The following IGSF6 variants were observed in gnomAD, a reference collection of about 807,000 sequenced individuals.
IGSF6 encodes the protein immunoglobulin superfamily member 6.
Under a neutral mutation model 24.7 loss-of-function variants are expected in IGSF6, and 23 were observed. The ratio of observed to expected loss-of-function variants is 0.93; its 90% CI spans 0.67 to 1.32. The LOEUF (loss-of-function observed/expected upper bound fraction) is 1.32, where lower values mean the gene tolerates loss of function less well. Among genes scored for constraint, IGSF6 ranks in the 40% most tolerant of loss-of-function variants. IGSF6 has a pLI of 0.00. For synonymous variants in IGSF6, 110 were observed against 113.7 expected, an observed-to-expected ratio of 0.97 and a Z score of 0.21; for missense variants, 295 against 293.6, an observed-to-expected ratio of 1.00 and a Z score of -0.04.
At position 21,644,340 on chromosome 16, in the gene IGSF6, G is replaced by A. The variant is rs774443519; in HGVS notation, c.484C>T (p.Leu162Phe). 1.9e-6 allele frequency: 3 copies of A among 1,614,020 alleles called. No individual in the cohort carries two copies. The highest frequency in any genetic ancestry group is 2.5e-6 in the Non-Finnish European group (3 of 1,179,900). Residue 162 changes from leucine (L) to phenylalanine (F), a missense_variant, in exon 3 of 6, where the codon CTC (leucine) becomes TTC (phenylalanine). By Grantham distance (22) the Leu-to-Phe change is conservative (BLOSUM62 0). Coordinates refer to ENST00000268389, the MANE Select transcript of IGSF6 (RefSeq NM_005849.4). ...CACACACCGGTCACATAGACAGAGAGCAGTGATACAAGAGCTGTCAGGAAG... is the reference window on the plus strand; with the variant it reads ...CACACACCGGTCACATAGACAGAGAACAGTGATACAAGAGCTGTCAGGAAG... The part of the protein sequence containing the change: ...RSFLTALVSL[L>F]SVYVTGVCVA...
rs763636136 is a variant in IGSF6 at position 21,647,463 on chromosome 16, T to C, written c.97A>G (p.Thr33Ala). 1.2e-6 allele frequency: 2 copies of C among 1,613,778 alleles called. No individual in the cohort carries two copies. Among genetic ancestry groups the C allele is most frequent in the Admixed American group, 3.3e-5 (2 of 60,006 alleles). The change falls in exon 2 of 6, where the codon ACA (threonine) becomes GCA (alanine). Residue 33 changes from threonine (T) to alanine (A), a missense_variant. Thr to Ala is a moderately conservative substitution (Grantham distance 58). Transcript: ENST00000268389. The stretch of plus-strand genomic sequence containing the variant: ...TCCACTTCTAGGTACCACGGTTGTG[T>C]GACAGAGAGAGTACAGGCGCCCACA... ...GAVGACTLSVTQPWYLEVDYT... is the reference protein window; with the variant it reads ...GAVGACTLSVAQPWYLEVDYT...
chr16:21,652,414 T>G (rs1034996816), intron 1 of IGSF6, 118 bp downstream of exon 1: 13 of 705,094 alleles, frequency 1.8e-5, no homozygotes, highest in Admixed American at 1.0e-4. Flanking sequence ...TCTTAGGCAG[T>G]TTTCATAATG....
At chr16:21,649,230 C>T (rs146032792) in intron 1 of IGSF6, among the ~76,000 whole-genome samples, 5 of 152,216 alleles carry the variant, frequency 3.3e-5, no homozygotes, top group African/African-American at 1.2e-4. Flanking sequence ...TAAACTCAAG[C>T]GACCCGCTTG....
At chr16:21,644,457 G>T in intron 2 of IGSF6, 61 bp from the exon 3 acceptor site, 1 of 1,185,664 alleles carries the variant, frequency 8.4e-7, no homozygotes, top group Non-Finnish European at 1.2e-6. Context: ...TCAAATACAT[G>T]TGTAAAGTAT....
intron 4 of IGSF6, 128 bp from the exon 5 acceptor site, chr16:21,643,282 G>C: frequency 2.9e-6 from 2 of 692,768 alleles, no homozygotes; most frequent in Non-Finnish European, 2.5e-6. Flanking sequence ...CAACACATAT[G>C]TGCCTACAGT....
At chr16:21,650,998 C>G (rs986014947) in intron 1 of IGSF6, among the ~76,000 whole-genome samples, 1 of 152,100 alleles carries the variant, frequency 6.6e-6, no homozygotes, top group African/African-American at 2.4e-5. Flanking sequence ...CCGAGGCGGG[C>G]GGATCACGAG....
At chr16:21,651,537 A>C (rs1325943865) in intron 1 of IGSF6, among the ~76,000 whole-genome samples, 1 of 151,966 alleles carries the variant, frequency 6.6e-6, no homozygotes, top group Non-Finnish European at 1.5e-5. Context: ...CCTGAGCTCA[A>C]GTGATCCTCT....
chr16:21,642,462 CTCA>C (rs1035474935), intron 5 of IGSF6: 1 of 152,142 alleles, frequency 6.6e-6, no homozygotes, highest in African/African-American at 2.4e-5. Flanking sequence ...TTTGAGCTAT[CTCA>C]TCATGCATCA....
rs1966245404 is a variant in IGSF6 at position 21,640,878 on chromosome 16, T to C, written c.*656A>G. 6.6e-6 allele frequency: 1 copy of C among 152,120 alleles called. No individual in the cohort carries two copies. Among genetic ancestry groups the C allele is most frequent in the South Asian group, 2.1e-4 (1 of 4,828 alleles). 9.4% of individuals were successfully genotyped at this position (152,120 alleles called of 1,614,324 possible). A position where few individuals can be genotyped will look rare whatever the true frequency, so the allele number is the denominator to read the frequency against. On this transcript the variant is annotated 3_prime_UTR_variant, in exon 6 of 6. Transcript: ENST00000268389. ...TGTTATTTGGCACAACACTGACATC[T>C]AGAGTCCGTTGTGGCTTATTTGTTC...
chr16:21,646,955 G>T (rs1966444123), intron 2 of IGSF6, 178 bp downstream of exon 2: 3 of 786,892 alleles, frequency 3.8e-6, no homozygotes, highest in South Asian at 1.5e-5. Flanking sequence ...CGCCCAGCCA[G>T]TTGGAGTAGT....
At chr16:21,652,268 TAAG>T (rs1372472113) in intron 1 of IGSF6, 1 of 325,436 alleles carries the variant, frequency 3.1e-6, no homozygotes, top group African/African-American at 2.1e-5. Flanking sequence ...CCTACGATTT[TAAG>T]AATATTTTCA....
chr16:21,651,557 C>A (rs1018756722), intron 1 of IGSF6, among the ~76,000 whole-genome samples: 1 of 151,880 alleles, frequency 6.6e-6, no homozygotes, highest in African/African-American at 2.4e-5. Context: ...TCACCTTGGC[C>A]CCCAAAGTGC....
chr16:21,641,363 G>T lies in IGSF6; in HGVS notation c.*171C>A. 4 of 416,964 alleles carry T rather than the reference G, an allele frequency of 9.6e-6. No individual in the cohort carries two copies. The highest frequency in any genetic ancestry group is 1.3e-5 in the Non-Finnish European group (3 of 231,686). 25.8% of individuals were successfully genotyped at this position (416,964 alleles called of 1,614,324 possible). A position where few individuals can be genotyped will look rare whatever the true frequency, so the allele number is the denominator to read the frequency against. Reference sequence around the variant, plus strand: ...GCATTTTGTTGGGTTTTAGTATTTTGGTAATGACTATTAGTTATAGTTTCC... The same window carrying T: ...GCATTTTGTTGGGTTTTAGTATTTTTGTAATGACTATTAGTTATAGTTTCC... On this transcript the variant is annotated 3_prime_UTR_variant, in exon 6 of 6. Coordinates refer to ENST00000268389, the MANE Select transcript of IGSF6 (RefSeq NM_005849.4).
At chr16:21,644,235 C>T in intron 3 of IGSF6, 55 bp downstream of exon 3, 1 of 1,231,258 alleles carries the variant, frequency 8.1e-7, no homozygotes, top group Non-Finnish European at 1.2e-6. Flanking sequence ...AATTATTTTT[C>T]TTTTGATAAT....
intron 3 of IGSF6, among the ~76,000 whole-genome samples, chr16:21,643,876 C>G (rs1966345186): frequency 6.6e-6 from 1 of 152,058 alleles, no homozygotes; most frequent in African/African-American, 2.4e-5. Context: ...AACTTTAGCC[C>G]TTTTTGAAGA....
In IGSF6 at chr16:21,647,280, C is replaced by G. The variant is rs1250550538; in HGVS notation, c.280G>C (p.Glu94Gln). 2 of 1,614,194 alleles carry G rather than the reference C, an allele frequency of 1.2e-6. No homozygotes were observed. The highest frequency in any genetic ancestry group is 4.5e-5 in the East Asian group (2 of 44,876). ...GAAACTTGGTTTTCTTTGAGGGCCT[C>G]CCTCACTGTGAACTTGTCTGCCTCA... The part of the protein sequence containing the change: ...KSEADKFTVR[E>Q]ALKENQVSLT... The change falls in exon 2 of 6, where the codon GAG becomes CAG. Residue 94 changes from glutamate (E) to glutamine (Q), a missense_variant. Glu to Gln is a conservative substitution (Grantham distance 29, BLOSUM62 2). Transcript: ENST00000268389.
At chr16:21,650,037 T>TA (rs1966527119) in intron 1 of IGSF6, among the ~76,000 whole-genome samples, 1 of 152,140 alleles carries the variant, frequency 6.6e-6, no homozygotes, top group Non-Finnish European at 1.5e-5. Context: ...TAGTCACAGC[T>TA]ACTCAGGAGG....
At chr16:21,650,850 T>G (rs1966554701) in intron 1 of IGSF6, among the ~76,000 whole-genome samples, 1 of 152,228 alleles carries the variant, frequency 6.6e-6, no homozygotes, top group Non-Finnish European at 1.5e-5. Flanking sequence ...AATTGTTTTT[T>G]AAACACAGTA....
chr16:21,650,998 C>T (rs986014947), intron 1 of IGSF6, among the ~76,000 whole-genome samples: 6 of 152,216 alleles, frequency 3.9e-5, no homozygotes, highest in African/African-American at 4.8e-5. Flanking sequence ...CCGAGGCGGG[C>T]GGATCACGAG....
Sources: gnomAD v4.1 joint callset for allele counts (sites outside exome capture counted in the v4.1 genomes callset) on GRCh38, gnomAD v4.1.1 for gene constraint, MANE v1.5 for transcripts, NCBI Gene and HGNC (gene_info 2026-07-23, HGNC 2026-07-21) for gene names.